Variants in MAGI1 observed in about 807,000 individuals in gnomAD.
MAGI1 encodes the protein membrane associated guanylate kinase, WW and PDZ domain containing 1.
MAGI1 carries 58 observed loss-of-function variants against 139.9 expected under a neutral mutation model. The observed-to-expected ratio is 0.41, with a 90% CI of 0.34 to 0.52. The LOEUF (loss-of-function observed/expected upper bound fraction) is 0.52, where lower values mean the gene tolerates loss of function less well. Ranked by LOEUF, MAGI1 falls within the 20% of genes least tolerant of loss-of-function variation. MAGI1 has a pLI of 0.12. For missense variants in MAGI1, 1,874 were observed against 1,901.6 expected (o/e 0.99, Z 0.27); for synonymous variants, 812 against 737.9 (o/e 1.10, Z -1.63).
intron 10 of MAGI1, among the ~76,000 whole-genome samples, chr3:65,432,015 T>A (rs1368399525): frequency 6.6e-6 from 1 of 151,916 alleles, no homozygotes; most frequent in Non-Finnish European, 1.5e-5. Context: ...AAAAATAAAA[T>A]AAATTTACAG....
chr3:66,030,973 A>T (rs1216592080), intron 1 of MAGI1, among the ~76,000 whole-genome samples: 1 of 152,234 alleles, frequency 6.6e-6, no homozygotes, highest in Non-Finnish European at 1.5e-5. Context: ...ACTAGAAAGC[A>T]GAGTCAATAT....
At chr3:65,890,930 GC>G (rs1333523054) in intron 1 of MAGI1, among the ~76,000 whole-genome samples, 1 of 152,160 alleles carries the variant, frequency 6.6e-6, no homozygotes, top group Non-Finnish European at 1.5e-5. Context: ...ACCTATTCCA[GC>G]CTGGGCAGTG....
chr3:65,762,271 T>C (rs949798821), intron 1 of MAGI1, among the ~76,000 whole-genome samples: 14 of 152,136 alleles, frequency 9.2e-5, no homozygotes, highest in African/African-American at 2.9e-4. Flanking sequence ...GTTCAGCTCC[T>C]TGAACACCCA....
At chr3:65,624,263 C>T (rs1175840527) in intron 1 of MAGI1, among the ~76,000 whole-genome samples, 1 of 152,004 alleles carries the variant, frequency 6.6e-6, no homozygotes, top group Non-Finnish European at 1.5e-5. Flanking sequence ...AACAATTCCA[C>T]CCTTATTTAC....
intron 1 of MAGI1, among the ~76,000 whole-genome samples, chr3:65,999,782 G>A (rs1009076902): frequency 1.3e-5 from 2 of 151,664 alleles, no homozygotes; most frequent in Non-Finnish European, 2.9e-5. Flanking sequence ...AGCCCAGTTC[G>A]AGAAGTCTGT....
At chr3:65,821,994 A>G (rs2041976081) in intron 1 of MAGI1, among the ~76,000 whole-genome samples, 1 of 152,198 alleles carries the variant, frequency 6.6e-6, no homozygotes, top group Non-Finnish European at 1.5e-5. Context: ...TCATTCATAC[A>G]AAGATGGAAA....
At chr3:65,647,505 A>C (rs1274355176) in intron 1 of MAGI1, among the ~76,000 whole-genome samples, 1 of 152,152 alleles carries the variant, frequency 6.6e-6, no homozygotes, top group Non-Finnish European at 1.5e-5. Context: ...AAACAAACAA[A>C]AAACATCTCA....
intron 2 of MAGI1, among the ~76,000 whole-genome samples, chr3:65,521,171 C>T (rs73832894): frequency 7.1e-4 from 108 of 152,062 alleles, no homozygotes; most frequent in African/African-American, 2.5e-3. Context: ...AGCTTGATAA[C>T]AGATCTCTGT....
intron 3 of MAGI1, 47 bp from the exon 4 acceptor site, chr3:65,478,845 G>GT (rs1951063696): frequency 3.5e-6 from 5 of 1,443,302 alleles, no homozygotes; most frequent in Admixed American, 1.8e-5. Flanking sequence ...GGAATACTTT[G>GT]TGTTTTTTTT....
intron 1 of MAGI1, among the ~76,000 whole-genome samples, chr3:65,770,936 C>G (rs891167847): frequency 1.3e-5 from 2 of 151,996 alleles, no homozygotes; most frequent in Non-Finnish European, 2.9e-5. Context: ...CGTGATCCAC[C>G]CACCTCGGCC....
intron 1 of MAGI1, among the ~76,000 whole-genome samples, chr3:65,725,369 T>A (rs1464068381): frequency 1.3e-5 from 2 of 152,206 alleles, no homozygotes; most frequent in African/African-American, 4.8e-5. Context: ...TATTACCATT[T>A]GAGCACACAC....
Position 65,814,591 on chromosome 3 carries a change from T to C in MAGI1, c.314-192503A>G, listed in dbSNP as rs1181345969. ...TTTTTTGTTCTGTTTTGTTTTGTTT[T>C]TCAGCTAAGAAAGCAAGCACTTCAT... is the stretch of plus-strand genomic sequence containing the variant. On this transcript the variant is annotated intron_variant, in intron 1 of 22. Transcript: ENST00000402939. Among the ~76,000 whole-genome samples, 4 of 152,292 alleles carry C rather than the reference T, an allele frequency of 2.6e-5. No individual in the cohort carries two copies. In the South Asian group the frequency reaches 6.2e-4, roughly 24 times the overall value.
At chr3:65,803,460 A>G (rs537944951) in intron 1 of MAGI1, among the ~76,000 whole-genome samples, 1 of 152,210 alleles carries the variant, frequency 6.6e-6, no homozygotes, top group Non-Finnish European at 1.5e-5. Flanking sequence ...ATATTACATG[A>G]CCTCTCTACA....
intron 1 of MAGI1, among the ~76,000 whole-genome samples, chr3:66,004,261 G>A (rs981134516): frequency 5.3e-5 from 8 of 152,168 alleles, no homozygotes; most frequent in Non-Finnish European, 7.3e-5. Flanking sequence ...ACAGAAATGG[G>A]GACAGTTTGA....
intron 1 of MAGI1, among the ~76,000 whole-genome samples, chr3:65,654,733 GA>G (rs971944693): frequency 2.6e-5 from 4 of 152,028 alleles, no homozygotes; most frequent in African/African-American, 9.7e-5. Context: ...TACTCACCCA[GA>G]AGCTGCAGTA....
At chr3:65,595,620 G>A (rs2082155063) in intron 2 of MAGI1, among the ~76,000 whole-genome samples, 2 of 152,112 alleles carry the variant, frequency 1.3e-5, no homozygotes, top group Non-Finnish European at 2.9e-5. Flanking sequence ...GGAACAGACC[G>A]ATTTAAGAGC....
chr3:65,481,905 A>T (rs902123233), intron 3 of MAGI1, among the ~76,000 whole-genome samples: 1 of 152,228 alleles, frequency 6.6e-6, no homozygotes, highest in Non-Finnish European at 1.5e-5. Flanking sequence ...GCAATTACAA[A>T]CAACCCAAAA....
chr3:65,787,579 T>C (rs563214241), intron 1 of MAGI1, among the ~76,000 whole-genome samples: 1 of 149,442 alleles, frequency 6.7e-6, no homozygotes, highest in Admixed American at 6.8e-5. Flanking sequence ...ATGCTGGAAA[T>C]ATAACAGCAA....
At chr3:65,916,567 C>A (rs1326215657) in intron 1 of MAGI1, among the ~76,000 whole-genome samples, 1 of 152,102 alleles carries the variant, frequency 6.6e-6, no homozygotes, top group East Asian at 1.9e-4. Flanking sequence ...ACCACAAGAA[C>A]AGAATGGGAA....
Sources: allele counts gnomAD v4.1 joint callset (sites outside exome capture counted in the v4.1 genomes callset), GRCh38; gene constraint gnomAD v4.1.1; transcripts MANE v1.5; gene names NCBI Gene and HGNC (gene_info 2026-07-23, HGNC 2026-07-21).